Variants in PTPRK observed in about 807,000 individuals in gnomAD.
The protein encoded by PTPRK is protein tyrosine phosphatase receptor type K.
In PTPRK, 75 loss-of-function variants were observed where a neutral mutation model predicts 178.0. The observed-to-expected ratio is 0.42, with a 90% CI of 0.35 to 0.51. PTPRK has a LOEUF of 0.51. PTPRK is among the 20% of genes least tolerant of loss of function. The pLI is 0.02. For synonymous variants in PTPRK, 637 were observed against 620.6 expected, an observed-to-expected ratio of 1.03 and a Z score of -0.39; for missense variants, 1,441 against 1,797.8, an observed-to-expected ratio of 0.80 and a Z score of 3.59.
intron 1 of PTPRK, among the ~76,000 whole-genome samples, chr6:128,406,464 A>T (rs2128375439): frequency 6.6e-6 from 1 of 152,280 alleles, no homozygotes; most frequent in African/African-American, 2.4e-5. Context: ...AGAATAGATA[A>T]TTGGATATCA....
intron 13 of PTPRK, among the ~76,000 whole-genome samples, chr6:128,042,072 T>A (rs1008496544): frequency 6.6e-6 from 1 of 151,984 alleles, no homozygotes; most frequent in African/African-American, 2.4e-5. Context: ...TTCCAATATG[T>A]CCTTTATTTT....
At chr6:128,179,777 G>A (rs373045368) in intron 7 of PTPRK, among the ~76,000 whole-genome samples, 16 of 152,086 alleles carry the variant, frequency 1.1e-4, no homozygotes, top group East Asian at 3.9e-4. Flanking sequence ...TTTTGCTGAT[G>A]ATGCTATAGA....
intron 2 of PTPRK, among the ~76,000 whole-genome samples, chr6:128,330,693 A>G (rs1013285529): frequency 5.3e-5 from 8 of 152,090 alleles, no homozygotes; most frequent in African/African-American, 1.9e-4. Context: ...ATTTTTTTAA[A>G]TCTTTCTCAT....
intron 7 of PTPRK, among the ~76,000 whole-genome samples, chr6:128,157,209 A>G (rs148929355): frequency 5.3e-4 from 81 of 152,110 alleles, no homozygotes; most frequent in Middle Eastern, 3.4e-3. Context: ...ATAAGCTTTC[A>G]TGTCTGAGCA....
intron 15 of PTPRK, chr6:127,999,922 A>G (rs967340345): frequency 2.2e-6 from 2 of 889,428 alleles, no homozygotes; most frequent in African/African-American, 3.6e-5. Flanking sequence ...TATTAGCTTA[A>G]AAAGAAAAGA....
At chr6:128,004,013 T>C (rs142639467) in intron 15 of PTPRK, among the ~76,000 whole-genome samples, 2 of 151,970 alleles carry the variant, frequency 1.3e-5, no homozygotes, top group African/African-American at 4.8e-5. Flanking sequence ...AGCTGAACAA[T>C]TCAGAAAAAA....
At chr6:128,343,122 A>G (rs2128332584) in intron 2 of PTPRK, among the ~76,000 whole-genome samples, 1 of 152,346 alleles carries the variant, frequency 6.6e-6, no homozygotes. Context: ...AAGAATGTAC[A>G]AAAGATGTCT....
At chr6:128,430,638 G>C (rs1455759561) in intron 1 of PTPRK, among the ~76,000 whole-genome samples, 1 of 152,054 alleles carries the variant, frequency 6.6e-6, no homozygotes, top group Admixed American at 6.6e-5. Context: ...ATTTAATTCT[G>C]CTTTAAAAAA....
chr6:128,136,486 T>A (rs1583172974), intron 7 of PTPRK, among the ~76,000 whole-genome samples: 1 of 151,948 alleles, frequency 6.6e-6, no homozygotes, highest in Non-Finnish European at 1.5e-5. Flanking sequence ...TTACTTTTGA[T>A]TCAAATATTT....
In PTPRK at chr6:128,342,832, G is replaced by A. The variant is rs1831857493; in HGVS notation, c.224-20522C>T. ...CCATGCATAGTAGCACACACCTGTA[G>A]TCTCAGCTACTTAAGAGCCTGAGGT... On this transcript the variant is annotated intron_variant, in intron 2 of 29. Coordinates refer to ENST00000368226, the MANE Select transcript of PTPRK (RefSeq NM_002844.4). Among the ~76,000 whole-genome samples the A allele has an allele frequency of 3.3e-5, 5 of 151,974 alleles. No individual in the cohort carries two copies. In the South Asian group the frequency reaches 1.0e-3, roughly 32 times the overall value.
At chr6:128,318,866 T>G (rs1828400187) in intron 3 of PTPRK, among the ~76,000 whole-genome samples, 1 of 152,170 alleles carries the variant, frequency 6.6e-6, no homozygotes. Flanking sequence ...TACTTCTATT[T>G]AGCAATCAAT....
chr6:128,084,236 T>C (rs1166266255), intron 8 of PTPRK, among the ~76,000 whole-genome samples: 1 of 152,134 alleles, frequency 6.6e-6, no homozygotes, highest in Non-Finnish European at 1.5e-5. Flanking sequence ...AGAGTCTCCA[T>C]AAACAAAGTT....
intron 2 of PTPRK, among the ~76,000 whole-genome samples, chr6:128,334,105 G>C (rs765429964): frequency 6.6e-6 from 1 of 152,036 alleles, no homozygotes; most frequent in Non-Finnish European, 1.5e-5. Flanking sequence ...GGAGCTGTTC[G>C]TGGTGCATGA....
intron 7 of PTPRK, among the ~76,000 whole-genome samples, chr6:128,161,271 A>G (rs1346375475): frequency 6.6e-6 from 1 of 151,662 alleles, no homozygotes; most frequent in African/African-American, 2.4e-5. Context: ...AAGAAACAAT[A>G]TTTGTTTAAT....
chr6:128,208,762 T>A (rs1247834589), intron 6 of PTPRK, among the ~76,000 whole-genome samples: 1 of 152,170 alleles, frequency 6.6e-6, no homozygotes, highest in Non-Finnish European at 1.5e-5. Flanking sequence ...GCACCTATTG[T>A]TCAATTCATC....
intron 3 of PTPRK, among the ~76,000 whole-genome samples, chr6:128,318,938 T>C (rs1828409637): frequency 1.3e-5 from 2 of 152,148 alleles, no homozygotes; most frequent in African/African-American, 2.4e-5. Context: ...CTTTCAACCA[T>C]AGCAAATAAA....
At chr6:128,157,647 T>C (rs2114590052) in intron 7 of PTPRK, among the ~76,000 whole-genome samples, 1 of 152,164 alleles carries the variant, frequency 6.6e-6, no homozygotes, top group Middle Eastern at 3.4e-3. Context: ...TGGTGTGAGA[T>C]GGTATCTCAT....
chr6:128,281,588 C>G (rs559472731), intron 3 of PTPRK, among the ~76,000 whole-genome samples: 92 of 152,208 alleles, frequency 6.0e-4, no homozygotes, highest in African/African-American at 2.1e-3. Context: ...AGTCTAGAAT[C>G]AGGGACTGTA....
rs367777212 is a variant in PTPRK at position 128,309,226 on chromosome 6, T to C, written c.495+12813A>G. On this transcript the variant is annotated intron_variant, in intron 3 of 29. Coordinates refer to ENST00000368226, the MANE Select transcript of PTPRK (RefSeq NM_002844.4). ...AACTGAGACCAACTAAAAGACATGGTACAGACATCACCTCTCCTACTCTCA... is the reference window on the plus strand; with the variant it reads ...AACTGAGACCAACTAAAAGACATGGCACAGACATCACCTCTCCTACTCTCA... Among the ~76,000 whole-genome samples, 9 of 152,154 alleles carry C rather than the reference T, an allele frequency of 5.9e-5. No homozygotes were observed. The East Asian group carries it at 1.7e-3, about 29-fold the overall frequency.
Sources: allele counts gnomAD v4.1 joint callset (sites outside exome capture counted in the v4.1 genomes callset), GRCh38; gene constraint gnomAD v4.1.1; transcripts MANE v1.5; gene names NCBI Gene and HGNC (gene_info 2026-07-23, HGNC 2026-07-21).